The following SCN1A variants were observed in gnomAD, a reference collection of about 807,000 sequenced individuals.
SCN1A encodes the protein sodium channel protein type 1 subunit alpha.
SCN1A carries 13 observed loss-of-function variants against 193.7 expected under a neutral mutation model. The observed-to-expected ratio is 0.07, with a 90% CI of 0.04 to 0.11. The LOEUF (loss-of-function observed/expected upper bound fraction) is 0.11, where lower values mean the gene tolerates loss of function less well. Among genes scored for constraint, SCN1A ranks in the 10% least tolerant of loss-of-function variants. The pLI is 1.00. For synonymous variants in SCN1A, 781 were observed against 843.6 expected (o/e 0.93, Z 1.29); for missense variants, 1,432 against 2,451.1 (o/e 0.58, Z 8.78).
chr2:166,067,738 T>A (rs1180515854), intron 4 of SCN1A, among the ~76,000 whole-genome samples: 1 of 151,044 alleles, frequency 6.6e-6, no homozygotes, highest in East Asian at 2.0e-4. Flanking sequence ...ACACCTTTTC[T>A]AACAGTTCCT....
chr2:166,057,809 C>G (rs1699280271), intron 5 of SCN1A, among the ~76,000 whole-genome samples: 1 of 151,816 alleles, frequency 6.6e-6, no homozygotes. Context: ...AGCTATCAAA[C>G]AAGATACAAT....
chr2:166,023,817 C>G (rs1694380042), intron 19 of SCN1A, among the ~76,000 whole-genome samples: 1 of 151,694 alleles, frequency 6.6e-6, no homozygotes, highest in Admixed American at 6.6e-5. Flanking sequence ...CTCTTGTTGC[C>G]CAGGCTGGAG....
intron 19 of SCN1A, among the ~76,000 whole-genome samples, chr2:166,029,721 G>C (rs1281203530): frequency 1.3e-5 from 2 of 152,102 alleles, no homozygotes; most frequent in Admixed American, 6.6e-5. Context: ...GTGGACTTAA[G>C]GGAAGACAGG....
intron 28 of SCN1A, 163 bp downstream of exon 28, chr2:165,993,983 T>G (rs917747395): frequency 2.7e-5 from 17 of 636,380 alleles, no homozygotes; most frequent in African/African-American, 5.5e-5. Context: ...TACTGACATA[T>G]AGTAGGAGAC....
At position 166,062,451 on chromosome 2, in the gene SCN1A, C is replaced by T. The variant is rs78054081; in HGVS notation, c.265-3763G>A. Among the ~76,000 whole-genome samples, 909 of 152,090 alleles carry T rather than the reference C, an allele frequency of 6.0e-3. 9 individuals carry two copies. Among genetic ancestry groups the T allele is most frequent in the African/African-American group, 0.021 (872 of 41,490 alleles). On this transcript the variant is annotated intron_variant, in intron 4 of 28. Transcript: ENST00000674923. ...GTAATTGCTTACATAGCCAAGAAGC[C>T]GATCATTCAGTTTATAAGTGTTAAG...
chr2:166,112,633 G>A (rs1323788748), intron 2 of SCN1A, among the ~76,000 whole-genome samples: 1 of 152,214 alleles, frequency 6.6e-6, no homozygotes, highest in East Asian at 1.9e-4. Context: ...ATTGGTGATA[G>A]CAGCATCTTT....
chr2:166,065,213 T>C (rs1175854790), intron 4 of SCN1A, among the ~76,000 whole-genome samples: 1 of 152,172 alleles, frequency 6.6e-6, no homozygotes, highest in Non-Finnish European at 1.5e-5. Context: ...ATTATCTGGC[T>C]CTAGCTCCTA....
In SCN1A at chr2:166,020,283, A is replaced by G. The variant is rs1559161354; in HGVS notation, c.3430-4556T>C. On this transcript the variant is annotated intron_variant, in intron 19 of 28. Transcript: ENST00000674923. ...CCTCCCATCATTGCGGAAGAGTAAT[A>G]ATTGCTCTCTTATTTAAACCCCTTT... Among the ~76,000 whole-genome samples the G allele has an allele frequency of 2.0e-5, 3 of 152,138 alleles. No individual in the cohort carries two copies. The South Asian group carries it at 6.2e-4, about 31-fold the overall frequency.
intron 2 of SCN1A, chr2:166,123,576 G>C (rs1360101136): frequency 6.6e-6 from 1 of 152,160 alleles, no homozygotes; most frequent in Non-Finnish European, 1.5e-5. Flanking sequence ...AATCAACTGA[G>C]ATAACTCACT....
intron 23 of SCN1A, among the ~76,000 whole-genome samples, chr2:166,003,878 G>GA (rs11377219): frequency 0.99 from 148,694 of 150,404 alleles, 73,510 homozygotes; most frequent in East Asian, 1. Flanking sequence ...CTGCCTGTCT[G>GA]AAAAAAAAAT....
chr2:166,076,714 G>GT (rs1397199959), intron 3 of SCN1A, among the ~76,000 whole-genome samples: 1 of 151,900 alleles, frequency 6.6e-6, no homozygotes, highest in Non-Finnish European at 1.5e-5. Context: ...GAATAGGATA[G>GT]TGAGTGTGGA....
At chr2:166,049,823 A>T (rs1475994498) in intron 9 of SCN1A, among the ~76,000 whole-genome samples, 2 of 152,026 alleles carry the variant, frequency 1.3e-5, no homozygotes, top group Non-Finnish European at 2.9e-5. Context: ...AGTCCCAATC[A>T]TTAATTATTT....
At chr2:165,997,597 A>G (rs1690251929) in intron 26 of SCN1A, among the ~76,000 whole-genome samples, 1 of 151,304 alleles carries the variant, frequency 6.6e-6, no homozygotes, top group Non-Finnish European at 1.5e-5. Context: ...TGACAGAAAA[A>G]AGCGTAAAAA....
intron 19 of SCN1A, among the ~76,000 whole-genome samples, chr2:166,029,970 C>T (rs1429735725): frequency 6.6e-6 from 1 of 152,116 alleles, no homozygotes; most frequent in Non-Finnish European, 1.5e-5. Flanking sequence ...AGGAACAGGA[C>T]CTTTCAGGAC....
chr2:166,071,385 T>C (rs1191470873), intron 4 of SCN1A, among the ~76,000 whole-genome samples: 1 of 152,106 alleles, frequency 6.6e-6, no homozygotes, highest in Non-Finnish European at 1.5e-5. Context: ...CAATATGGTG[T>C]TCAAAAGCAA....
intron 4 of SCN1A, among the ~76,000 whole-genome samples, chr2:166,072,828 C>G (rs1202216279): frequency 7.1e-6 from 1 of 141,582 alleles, no homozygotes. Context: ...CTCCCACCCT[C>G]TCTTCTTTCT....
chr2:166,148,675 A>C (rs2106313388), intron 1 of SCN1A, among the ~76,000 whole-genome samples: 1 of 152,340 alleles, frequency 6.6e-6, no homozygotes, highest in African/African-American at 2.4e-5. Context: ...CAAGGGAAGC[A>C]AATTTGCAGC....
At chr2:166,053,030 ACTT>A (rs2105895832) in intron 7 of SCN1A, 87 bp from the exon 8 acceptor site, 1 of 1,425,768 alleles carries the variant, frequency 7.0e-7, no homozygotes, top group East Asian at 2.3e-5. Context: ...TACTCTAATC[ACTT>A]CTTACCTGGA....
intron 2 of SCN1A, among the ~76,000 whole-genome samples, chr2:166,101,123 T>C (rs1401676608): frequency 1.4e-5 from 2 of 141,770 alleles, no homozygotes; most frequent in African/African-American, 5.3e-5. Flanking sequence ...TGTCCAACAA[T>C]GATAGACTGG....
Sources: allele counts gnomAD v4.1 joint callset (sites outside exome capture counted in the v4.1 genomes callset), GRCh38; gene constraint gnomAD v4.1.1; transcripts MANE v1.5; gene names NCBI Gene and HGNC (gene_info 2026-07-23, HGNC 2026-07-21).